The following LRRC4C variants were observed in gnomAD, a reference collection of about 807,000 sequenced individuals.
The protein encoded by LRRC4C is leucine-rich repeat-containing protein 4C.
Under a neutral mutation model 33.6 loss-of-function variants are expected in LRRC4C, and 5 were observed. The ratio of observed to expected loss-of-function variants is 0.15; its 90% confidence interval spans 0.08 to 0.31. The LOEUF is 0.31. LRRC4C is among the 10% of genes least tolerant of loss of function. The pLI, the probability that LRRC4C is intolerant of heterozygous loss-of-function variation, is 1.00. For missense variants in LRRC4C, 560 were observed against 796.7 expected, an observed-to-expected ratio of 0.70 and a Z score of 3.58; for synonymous variants, 329 against 302.0, an observed-to-expected ratio of 1.09 and a Z score of -0.93.
intron 1 of LRRC4C, among the ~76,000 whole-genome samples, chr11:41,006,067 TAGA>T (rs1487823297): frequency 2.6e-5 from 4 of 152,156 alleles, no homozygotes; most frequent in African/African-American, 4.8e-5. Context: ...GAAAAACAAT[TAGA>T]AGAAGAATTT....
At chr11:41,099,084 G>C (rs1038421111) in intron 1 of LRRC4C, among the ~76,000 whole-genome samples, 6 of 151,954 alleles carry the variant, frequency 3.9e-5, no homozygotes, top group African/African-American at 1.4e-4. Flanking sequence ...AGAAAACCTA[G>C]AAGAGATGGA....
chr11:40,857,725 G>A (rs958241114), intron 2 of LRRC4C, among the ~76,000 whole-genome samples: 1 of 152,058 alleles, frequency 6.6e-6, no homozygotes, highest in African/African-American at 2.4e-5. Context: ...GATCAACCTA[G>A]GCAGCATGGC....
intron 3 of LRRC4C, among the ~76,000 whole-genome samples, chr11:40,332,529 T>C (rs1294254921): frequency 6.6e-6 from 1 of 152,230 alleles, no homozygotes; most frequent in East Asian, 1.9e-4. Context: ...ATACATTTTT[T>C]GAAAACACAA....
intron 5 of LRRC4C, among the ~76,000 whole-genome samples, chr11:40,218,642 TTATC>T (rs1554977188): frequency 1.8e-5 from 2 of 111,870 alleles, no homozygotes; most frequent in Admixed American, 9.0e-5. Context: ...ATGTATCTAT[TTATC>T]TATCTATCAT....
At chr11:40,906,896 C>A (rs781253447) in intron 2 of LRRC4C, among the ~76,000 whole-genome samples, 9 of 152,114 alleles carry the variant, frequency 5.9e-5, no homozygotes, top group Non-Finnish European at 1.2e-4. Context: ...AGCTTACAAT[C>A]TGTCAAACAT....
chr11:40,125,307 T>C (rs950360347), intron 6 of LRRC4C, among the ~76,000 whole-genome samples: 10 of 152,150 alleles, frequency 6.6e-5, no homozygotes, highest in Admixed American at 6.5e-4. Flanking sequence ...CTAGAGCTGC[T>C]GCAGCCATCT....
At chr11:40,586,956 G>A (rs200533120) in intron 3 of LRRC4C, among the ~76,000 whole-genome samples, 14,665 of 151,734 alleles carry the variant, frequency 0.097, 817 homozygotes, top group Middle Eastern at 0.13. Flanking sequence ...TTGGTGATGC[G>A]GGCTCTTTTT....
intron 1 of LRRC4C, among the ~76,000 whole-genome samples, chr11:41,360,822 C>T (rs1591350759): frequency 1.3e-5 from 2 of 152,000 alleles, no homozygotes; most frequent in East Asian, 1.9e-4. Context: ...TTTTTGAAGG[C>T]TTTTGTTTTT....
At chr11:40,212,019 G>A (rs997757657) in intron 5 of LRRC4C, among the ~76,000 whole-genome samples, 4 of 152,148 alleles carry the variant, frequency 2.6e-5, no homozygotes, top group African/African-American at 7.2e-5. Flanking sequence ...CCTATGTGCT[G>A]ATGATGCTGT....
At chr11:41,271,533 T>G (rs1263614357) in intron 1 of LRRC4C, among the ~76,000 whole-genome samples, 1 of 142,952 alleles carries the variant, frequency 7.0e-6, no homozygotes, top group Non-Finnish European at 1.5e-5. Context: ...CAGATGTCAC[T>G]TCCACTAAGA....
intron 1 of LRRC4C, among the ~76,000 whole-genome samples, chr11:41,255,358 T>G (rs183041404): frequency 6.6e-6 from 1 of 151,876 alleles, no homozygotes; most frequent in African/African-American, 2.4e-5. Context: ...ACAAACACAA[T>G]AGTGACAGAA....
At chr11:40,958,623 T>C (rs751285348) in intron 1 of LRRC4C, among the ~76,000 whole-genome samples, 2 of 151,738 alleles carry the variant, frequency 1.3e-5, no homozygotes, top group Non-Finnish European at 2.9e-5. Flanking sequence ...AATTGTAAAA[T>C]GTAATTTTCT....
intron 1 of LRRC4C, among the ~76,000 whole-genome samples, chr11:41,295,405 C>T (rs188138001): frequency 4.9e-4 from 75 of 152,212 alleles, no homozygotes; most frequent in African/African-American, 1.7e-3. Flanking sequence ...TATACAACTC[C>T]TATTCATGAA....
chr11:40,579,165 C>T (rs1958352034), intron 3 of LRRC4C, among the ~76,000 whole-genome samples: 1 of 152,052 alleles, frequency 6.6e-6, no homozygotes, highest in African/African-American at 2.4e-5. Flanking sequence ...GGTAAAATCC[C>T]ATTTCTACCA....
At chr11:40,901,509 G>C (rs1440152628) in intron 2 of LRRC4C, among the ~76,000 whole-genome samples, 1 of 152,018 alleles carries the variant, frequency 6.6e-6, no homozygotes, top group Non-Finnish European at 1.5e-5. Context: ...ATAATTATTT[G>C]ATATGGCATT....
intron 1 of LRRC4C, among the ~76,000 whole-genome samples, chr11:41,158,174 T>C (rs1187417250): frequency 6.6e-6 from 1 of 151,918 alleles, no homozygotes; most frequent in Non-Finnish European, 1.5e-5. Flanking sequence ...TTGAGAAAAA[T>C]GAGACATTAA....
At chr11:40,876,551 C>A (rs959737845) in intron 2 of LRRC4C, among the ~76,000 whole-genome samples, 1 of 151,982 alleles carries the variant, frequency 6.6e-6, no homozygotes, top group African/African-American at 2.4e-5. Context: ...CACAAGTAAG[C>A]AAGTTTTGTG....
intron 1 of LRRC4C, among the ~76,000 whole-genome samples, chr11:41,274,598 T>C (rs4387342): frequency 0.18 from 26,789 of 151,824 alleles, 2,948 homozygotes; most frequent in East Asian, 0.44. Flanking sequence ...AATGGACCAA[T>C]CAGCACTCTG....
chr11:40,403,784 T>C (rs1167286463), intron 3 of LRRC4C, among the ~76,000 whole-genome samples: 1 of 152,104 alleles, frequency 6.6e-6, no homozygotes, highest in Non-Finnish European at 1.5e-5. Context: ...ACATTGGAGT[T>C]GACCAGGCTC....
Sources: allele counts gnomAD v4.1 joint callset (sites outside exome capture counted in the v4.1 genomes callset), GRCh38; gene constraint gnomAD v4.1.1; transcripts MANE v1.5; gene names NCBI Gene and HGNC (gene_info 2026-07-23, HGNC 2026-07-21).